STK36: variants seen among roughly 807,000 people sequenced by gnomAD.
STK36 encodes the protein serine/threonine-protein kinase 36.
STK36 carries 116 observed loss-of-function variants against 142.2 expected under a neutral mutation model. The observed-to-expected ratio is 0.82, with a 90% CI of 0.70 to 0.95. The LOEUF (loss-of-function observed/expected upper bound fraction) is 0.95, where lower values mean the gene tolerates loss of function less well. Among genes scored for constraint, STK36 ranks in the 40% least tolerant of loss-of-function variants. The probability of loss-of-function intolerance (pLI) is 0.00; values close to 1 mark genes in which losing one functional copy is unlikely to be tolerated. For missense variants in STK36, 1,422 were observed against 1,617.2 expected (o/e 0.88, Z 2.07); for synonymous variants, 619 against 641.7 (o/e 0.96, Z 0.53).
At chr2:218,683,374 A>G (rs1375265549) in intron 10 of STK36, among the ~76,000 whole-genome samples, 2 of 151,762 alleles carry the variant, frequency 1.3e-5, no homozygotes, top group African/African-American at 4.8e-5. Flanking sequence ...TCCCAGGTTC[A>G]AGCGATTATC....
intron 10 of STK36, among the ~76,000 whole-genome samples, chr2:218,683,166 GTGGTGCAATCA>G (rs1376843888): frequency 6.6e-6 from 1 of 152,078 alleles, no homozygotes; most frequent in Non-Finnish European, 1.5e-5. Context: ...GTGGACTATA[GTGGTGCAATCA>G]TGGCTCACTG....
At position 218,697,966 on chromosome 2, in the gene STK36, C is replaced by T; in HGVS notation, c.3022C>T (p.Leu1008Phe). Residue 1008 changes from leucine (L) to phenylalanine (F), a missense_variant, in exon 25 of 27, where the codon CTC (leucine) becomes TTC (phenylalanine). Physicochemically the swap from Leu to Phe is conservative, Grantham distance 22. Transcript: ENST00000295709. ...CCTCCTTATAGGTGTCTTGGCCGAC[C>T]TCAGGGACTCAGAAGTTGCAGCCCA... ...ADLLIGVLAD[L>F]RDSEVAAHLL... 1 of 1,614,182 alleles carries T rather than the reference C, an allele frequency of 6.2e-7. No homozygotes were observed. The highest frequency in any genetic ancestry group is 8.5e-7 in the Non-Finnish European group (1 of 1,180,026).
intron 4 of STK36, 151 bp downstream of exon 4, chr2:218,674,107 G>C (rs1311626645): frequency 1.3e-5 from 10 of 747,188 alleles, no homozygotes; most frequent in Non-Finnish European, 1.9e-5. Context: ...TGTAGTGTGG[G>C]AGTAAATTAT....
intron 22 of STK36, 191 bp downstream of exon 22, chr2:218,696,792 C>T (rs1034779322): frequency 1.1e-6 from 1 of 904,102 alleles, no homozygotes; most frequent in South Asian, 1.3e-5. Context: ...CGCTGCGTCC[C>T]CTGGGATCCA....
chr2:218,673,856 G>C, intron 3 of STK36, 23 bp from the exon 4 acceptor site: 1 of 1,614,208 alleles, frequency 6.2e-7, no homozygotes, highest in Non-Finnish European at 8.5e-7. Context: ...GGAGCCATCA[G>C]TGCCACTGCC....
At chr2:218,675,287 C>A in intron 4 of STK36, 56 bp from the exon 5 acceptor site, 1 of 1,564,794 alleles carries the variant, frequency 6.4e-7, no homozygotes, top group South Asian at 1.2e-5. Context: ...TTGGGCTTGT[C>A]AGCCAGCTGC....
rs1446200867 is a variant in STK36 at position 218,679,148 on chromosome 2, A to G, written c.685-20A>G. 2 of 1,611,092 alleles carry G rather than the reference A, an allele frequency of 1.2e-6. No individual in the cohort carries two copies. The highest frequency in any genetic ancestry group is 2.7e-5 in the African/African-American group (2 of 74,856). On this transcript the variant is annotated intron_variant, in intron 6 of 26. Coordinates refer to ENST00000295709, the MANE Select transcript of STK36 (RefSeq NM_015690.5). ...AGGGAAGGGAAAGAATGACTGATGG[A>G]ATATTTTTTCTCTCTGTAGAACTTC...
chr2:218,691,101 G>A (rs377447537), intron 14 of STK36, among the ~76,000 whole-genome samples: 23 of 152,132 alleles, frequency 1.5e-4, no homozygotes, highest in Admixed American at 5.9e-4. Context: ...GTCTAACCTC[G>A]TTTGTCCTGA....
chr2:218,697,196 C>T lies in STK36; in HGVS notation c.2744C>T (p.Thr915Ile). ...CCACCAAGCCCTGAGCCAGACTGGA[C>T]ACTGATTTCTCCCCAGGGTATCTTT... Reference protein sequence around the residue: ...SSPPSPEPDWTLISPQGMAAL... With the variant: ...SSPPSPEPDWILISPQGMAAL... The change falls in exon 23 of 27, where the codon ACA becomes ATA. Residue 915 changes from threonine to isoleucine, a missense_variant. Thr to Ile is a moderately conservative substitution (Grantham distance 89). Coordinates refer to ENST00000295709, the MANE Select transcript of STK36 (RefSeq NM_015690.5). 1 of 1,612,826 alleles carries T rather than the reference C, an allele frequency of 6.2e-7. No individual in the cohort carries two copies. The highest frequency in any genetic ancestry group is 1.1e-5 in the South Asian group (1 of 90,838).
intron 11 of STK36, among the ~76,000 whole-genome samples, chr2:218,688,214 G>T (rs1449727144): frequency 6.6e-6 from 1 of 152,198 alleles, no homozygotes; most frequent in Non-Finnish European, 1.5e-5. Flanking sequence ...TCCTTAGCAT[G>T]CAGGCTGTAT....
rs1412444020 is a variant in STK36 at position 218,680,677 on chromosome 2, C to G, written c.1211C>G (p.Thr404Ser). 1.9e-6 allele frequency: 3 copies of G among 1,613,158 alleles called. No individual in the cohort carries two copies. The highest frequency in any genetic ancestry group is 2.2e-5 in the South Asian group (2 of 90,724). The change falls in exon 10 of 27, where the codon ACT (threonine) becomes AGT (serine). Residue 404 changes from threonine to serine, a missense_variant. By Grantham distance (58) the Thr-to-Ser change is moderately conservative. Around this residue, in one of 2 missense-constraint regions of STK36, gnomAD observed 962 missense variants for 1,167.5 expected, o/e 0.82. Transcript: ENST00000295709. ...ERPEVLGQRS[T>S]DVVDLENEEP... ...CCAGAGGTGCTGGGCCAGCGGAGCACTGATGTAGTGGACCTGGAAAATGAG... is the reference window on the plus strand; with the variant it reads ...CCAGAGGTGCTGGGCCAGCGGAGCAGTGATGTAGTGGACCTGGAAAATGAG...
rs769448814 is a variant in STK36 at position 218,673,717 on chromosome 2, G to A, written c.177G>A (p.Arg59=). 5 of 1,614,072 alleles carry A rather than the reference G, an allele frequency of 3.1e-6. No individual in the cohort carries two copies. The change falls in exon 3 of 27, where the codon CGG becomes CGA. Residue 59 remains arginine, a synonymous_variant. Transcript: ENST00000295709. ...QREIEIMRGL[R]HPNIVHMLDS... is the part of the protein sequence containing the mutation. Reference sequence around the variant, plus strand: ...AGATTGAAATAATGCGGGGTCTGCGGCATCCCAACATTGTGCATATGCTTG... The same window carrying A: ...AGATTGAAATAATGCGGGGTCTGCGACATCCCAACATTGTGCATATGCTTG...
Position 218,702,077 on chromosome 2 carries a change from G to A in STK36, c.*68G>A, listed in dbSNP as rs546499184. The stretch of plus-strand genomic sequence containing the variant: ...TCTTTCTTATTCTACTACACAAGCC[G>A]CCAACTCAACTGAGAGCTAAAGAGA... On this transcript the variant is annotated 3_prime_UTR_variant, in exon 27 of 27. Transcript: ENST00000295709. The A allele has an allele frequency of 1.5e-5, 23 of 1,574,096 alleles. No homozygotes were observed. In the South Asian group the frequency reaches 2.3e-4, roughly 15 times the overall value.
intron 10 of STK36, among the ~76,000 whole-genome samples, chr2:218,683,751 C>T (rs1436277921): frequency 6.6e-6 from 1 of 151,860 alleles, no homozygotes; most frequent in Non-Finnish European, 1.5e-5. Flanking sequence ...CACCCCACAA[C>T]AGTCCCCAGA....
chr2:218,688,482 G>A (rs1161826024), intron 11 of STK36: 2 of 614,332 alleles, frequency 3.3e-6, no homozygotes, highest in African/African-American at 3.7e-5. Flanking sequence ...GGTCACTGGT[G>A]TTCTGTGTTA....
At chr2:218,690,371 T>A in intron 13 of STK36, 79 bp from the exon 14 acceptor site, 1 of 1,148,126 alleles carries the variant, frequency 8.7e-7, no homozygotes, top group Non-Finnish European at 1.3e-6. Context: ...TTCTCCTACC[T>A]GCCCAGGACT....
rs571495586 is a variant in STK36, at chr2:218,697,421, G to A, written c.2762-42G>A. 134 of 1,607,440 alleles carry A rather than the reference G, an allele frequency of 8.3e-5. 1 individual carries two copies. Among genetic ancestry groups the A allele is most frequent in the African/African-American group, 3.2e-4 (24 of 74,930 alleles). ...TGTGGGGAAGCAGGGGTATCTGGGC[G>A]TCTTGCCTGTTCCATTGGGTCTCCA... On this transcript the variant is annotated intron_variant, in intron 23 of 26. Coordinates refer to ENST00000295709, the MANE Select transcript of STK36 (RefSeq NM_015690.5).
intron 26 of STK36, among the ~76,000 whole-genome samples, chr2:218,701,111 A>G (rs1326582182): frequency 2.6e-5 from 4 of 151,096 alleles, no homozygotes; most frequent in Non-Finnish European, 5.9e-5. Context: ...CATGCAGAGC[A>G]GAAATTTGAG....
At chr2:218,675,151 TTGAA>T (rs911826709) in intron 4 of STK36, among the ~76,000 whole-genome samples, 188 bp from the exon 5 acceptor site, 1 of 152,132 alleles carries the variant, frequency 6.6e-6, no homozygotes, top group African/African-American at 2.4e-5. Flanking sequence ...TAAATTTTTC[TTGAA>T]TGAATGAATG....
Sources: gnomAD v4.1 joint callset for allele counts (sites outside exome capture counted in the v4.1 genomes callset) on GRCh38, gnomAD v4.1.1 for gene constraint, gnomAD v4.1.1 regional missense constraint, MANE v1.5 for transcripts, NCBI Gene and HGNC (gene_info 2026-07-23, HGNC 2026-07-21) for gene names.